ITFG1: variants seen among roughly 807,000 people sequenced by gnomAD.
ITFG1 encodes the protein integrin alpha FG-GAP repeat containing 1.
A neutral mutation model predicts 81.8 loss-of-function variants in ITFG1; 34 were observed. The observed-to-expected ratio is 0.42, with a 90% CI of 0.32 to 0.55. The LOEUF is 0.55. Among genes scored for constraint, ITFG1 ranks in the 20% least tolerant of loss-of-function variants. ITFG1 has a pLI of 0.17. For synonymous variants in ITFG1, 285 were observed against 270.6 expected, an observed-to-expected ratio of 1.05 and a Z score of -0.52; for missense variants, 672 against 755.4, an observed-to-expected ratio of 0.89 and a Z score of 1.29.
At chr16:47,176,955 T>TC (rs201448724) in intron 14 of ITFG1, among the ~76,000 whole-genome samples, 3 of 144,036 alleles carry the variant, frequency 2.1e-5, no homozygotes, top group African/African-American at 7.5e-5. Context: ...TTCTTCTTCT[T>TC]TTTTTTTTTT....
chr16:47,181,210 A>G (rs1244081956), intron 14 of ITFG1, among the ~76,000 whole-genome samples: 1 of 127,460 alleles, frequency 7.8e-6, no homozygotes, highest in Non-Finnish European at 1.7e-5. Flanking sequence ...AAGTGAGGAG[A>G]CCCTCTGCCC....
At chr16:47,430,599 T>G (rs1969083130) in intron 5 of ITFG1, among the ~76,000 whole-genome samples, 1 of 152,144 alleles carries the variant, frequency 6.6e-6, no homozygotes, top group South Asian at 2.1e-4. Context: ...CATACAAGGT[T>G]TTCTAATATT....
intron 10 of ITFG1, among the ~76,000 whole-genome samples, chr16:47,306,249 A>G (rs1436492912): frequency 6.6e-6 from 1 of 152,196 alleles, no homozygotes; most frequent in Non-Finnish European, 1.5e-5. Context: ...AAAAATAAAG[A>G]TTTAAATAAC....
At chr16:47,208,559 C>T (rs1482097031) in intron 14 of ITFG1, among the ~76,000 whole-genome samples, 1 of 152,108 alleles carries the variant, frequency 6.6e-6, no homozygotes, top group Non-Finnish European at 1.5e-5. Context: ...GGCACCAGTC[C>T]TTTACTTTAA....
intron 6 of ITFG1, among the ~76,000 whole-genome samples, chr16:47,408,013 G>A (rs1269936432): frequency 6.6e-6 from 1 of 152,142 alleles, no homozygotes; most frequent in African/African-American, 2.4e-5. Context: ...GGGTATTACT[G>A]TACATCTGGA....
chr16:47,275,142 C>T (rs1332067752), intron 10 of ITFG1, among the ~76,000 whole-genome samples: 2 of 152,110 alleles, frequency 1.3e-5, no homozygotes, highest in Admixed American at 1.3e-4. Flanking sequence ...GTTCATAAAT[C>T]TTTTGCTAAA....
intron 6 of ITFG1, among the ~76,000 whole-genome samples, chr16:47,423,633 G>GA (rs1256495989): frequency 3.9e-5 from 6 of 152,152 alleles, no homozygotes; most frequent in African/African-American, 1.2e-4. Context: ...GCCTGGTGGT[G>GA]AAAAAATCTC....
intron 6 of ITFG1, among the ~76,000 whole-genome samples, chr16:47,399,106 T>C (rs1167776078): frequency 6.6e-6 from 1 of 152,202 alleles, no homozygotes; most frequent in Non-Finnish European, 1.5e-5. Context: ...AAAGTGTAAA[T>C]AAATTAACTG....
intron 14 of ITFG1, among the ~76,000 whole-genome samples, chr16:47,213,205 T>C (rs181918784): frequency 1.9e-3 from 296 of 152,362 alleles, no homozygotes; most frequent in Non-Finnish European, 3.7e-3. Flanking sequence ...TGTTTAGAGA[T>C]TTTACAACAG....
intron 9 of ITFG1, chr16:47,312,832 C>G (rs1967287903): frequency 6.6e-6 from 1 of 151,938 alleles, no homozygotes; most frequent in Admixed American, 6.6e-5. Context: ...ATTTATCTTC[C>G]CAGAGAGAGA....
intron 5 of ITFG1, among the ~76,000 whole-genome samples, chr16:47,444,800 T>G (rs1969301943): frequency 6.6e-6 from 1 of 152,192 alleles, no homozygotes; most frequent in African/African-American, 2.4e-5. Flanking sequence ...CCAAAATCAC[T>G]TTGGCATGAA....
chr16:47,396,412 G>T (rs937761111), intron 6 of ITFG1, among the ~76,000 whole-genome samples: 1 of 152,096 alleles, frequency 6.6e-6, no homozygotes, highest in African/African-American at 2.4e-5. Context: ...AACTGTGATA[G>T]AAATGAAGAA....
intron 7 of ITFG1, among the ~76,000 whole-genome samples, chr16:47,372,721 G>C (rs1222463558): frequency 6.6e-6 from 1 of 152,138 alleles, no homozygotes; most frequent in Non-Finnish European, 1.5e-5. Flanking sequence ...CCAAAGTACT[G>C]GGATTACAGG....
chr16:47,242,159 T>C (rs1327597445), intron 12 of ITFG1, among the ~76,000 whole-genome samples: 2 of 151,914 alleles, frequency 1.3e-5, no homozygotes, highest in Admixed American at 6.6e-5. Context: ...ATAAGAAAGA[T>C]ACCATAAAAT....
chr16:47,166,251 T>A (rs1964888630), intron 14 of ITFG1, among the ~76,000 whole-genome samples: 1 of 152,224 alleles, frequency 6.6e-6, no homozygotes, highest in Non-Finnish European at 1.5e-5. Flanking sequence ...CTACATGACA[T>A]CAAACTAGGC....
intron 14 of ITFG1, among the ~76,000 whole-genome samples, chr16:47,171,429 T>C (rs1964960679): frequency 6.6e-6 from 1 of 152,238 alleles, no homozygotes; most frequent in Non-Finnish European, 1.5e-5. Flanking sequence ...CTTTTCCCTT[T>C]TTTTTTAAAC....
At chr16:47,431,867 G>T (rs961721993) in intron 5 of ITFG1, among the ~76,000 whole-genome samples, 1 of 152,072 alleles carries the variant, frequency 6.6e-6, no homozygotes. Flanking sequence ...AGAAGAAAGA[G>T]CAAGTTTAAA....
In ITFG1 at chr16:47,371,368, T is replaced by C. The variant is rs1342031630; in HGVS notation, c.720+4508A>G. 3.3e-5 allele frequency among the ~76,000 whole-genome samples: 5 copies of C among 152,204 alleles called. No individual in the cohort carries two copies. The East Asian group carries it at 7.7e-4, about 23-fold the overall frequency. The stretch of plus-strand genomic sequence containing the variant: ...CTAGCACACAGCATGCATTTAATGT[T>C]AGTAATAGTAGTAGGAACACTAGTA... On this transcript the variant is annotated intron_variant, in intron 7 of 17. Coordinates refer to ENST00000320640, the MANE Select transcript of ITFG1 (RefSeq NM_030790.5).
intron 14 of ITFG1, among the ~76,000 whole-genome samples, chr16:47,209,316 T>A (rs1475135538): frequency 6.6e-6 from 1 of 152,184 alleles, no homozygotes; most frequent in Non-Finnish European, 1.5e-5. Context: ...CTGATCATTA[T>A]ATAACCAATA....
Sources: gnomAD v4.1 joint callset for allele counts (sites outside exome capture counted in the v4.1 genomes callset) on GRCh38, gnomAD v4.1.1 for gene constraint, MANE v1.5 for transcripts, NCBI Gene and HGNC (gene_info 2026-07-23, HGNC 2026-07-21) for gene names.